Variants in TBCK observed in about 807,000 individuals in gnomAD.
The protein encoded by TBCK is TBC domain-containing protein kinase-like protein.
A neutral mutation model predicts 113.4 loss-of-function variants in TBCK; 99 were observed. The observed-to-expected ratio is 0.87, with a 90% CI of 0.74 to 1.03. TBCK has a LOEUF of 1.03. TBCK is among the 50% of genes least tolerant of loss of function. TBCK has a pLI of 0.00. For synonymous variants in TBCK, 369 were observed against 370.8 expected (o/e 1.00, Z 0.05); for missense variants, 1,045 against 1,061.3 (o/e 0.98, Z 0.21).
At position 106,236,542 on chromosome 4, in the gene TBCK, T is replaced by C. The variant is rs202154475; in HGVS notation, c.1221-23A>G. On this transcript the variant is annotated intron_variant, in intron 13 of 25. Transcript: ENST00000394708. ...TGGCTGTAAAAGAGAACAAAAGCAATAAAAAAAAAAAATGGACAAAAGGTA... is the reference window on the plus strand; with the variant it reads ...TGGCTGTAAAAGAGAACAAAAGCAACAAAAAAAAAAAATGGACAAAAGGTA... 1.2e-5 allele frequency: 15 copies of C among 1,219,942 alleles called. No individual in the cohort carries two copies. In the East Asian group the frequency reaches 3.8e-4, roughly 31 times the overall value. The allele number at this position is 1,219,942 out of a possible 1,614,324, so 75.6% of individuals were successfully genotyped here.
At chr4:106,168,166 C>T (rs1297816528) in intron 23 of TBCK, among the ~76,000 whole-genome samples, 1 of 151,666 alleles carries the variant, frequency 6.6e-6, no homozygotes. Flanking sequence ...AGAATTTATC[C>T]CAGGCATGCA....
chr4:106,237,513 C>T (rs1336867496), intron 12 of TBCK: 1 of 455,908 alleles, frequency 2.2e-6, no homozygotes, highest in East Asian at 7.0e-5. Context: ...TGTTCAACTT[C>T]CAACTTGAAG....
intron 23 of TBCK, among the ~76,000 whole-genome samples, chr4:106,126,459 T>C (rs1318700189): frequency 6.6e-6 from 1 of 152,198 alleles, no homozygotes. Context: ...CATTGTGCTA[T>C]GAGGTATGTA....
At chr4:106,281,276 T>C (rs139068690) in intron 3 of TBCK, among the ~76,000 whole-genome samples, 2 of 151,124 alleles carry the variant, frequency 1.3e-5, no homozygotes, top group African/African-American at 4.9e-5. Context: ...CATGCAACTT[T>C]ACTGAATTCA....
chr4:106,237,730 G>A (rs571566932), intron 12 of TBCK, among the ~76,000 whole-genome samples: 3 of 152,036 alleles, frequency 2.0e-5, no homozygotes, highest in Non-Finnish European at 4.4e-5. Flanking sequence ...AATGTGCTAT[G>A]TACTTATCCT....
intron 2 of TBCK, among the ~76,000 whole-genome samples, chr4:106,308,315 G>C (rs145337416): frequency 5.6e-4 from 86 of 152,236 alleles, no homozygotes; most frequent in African/African-American, 2.0e-3. Context: ...AATAAAATGT[G>C]ATAAAAGCTA....
chr4:106,252,113 A>C, intron 5 of TBCK, 106 bp from the exon 6 acceptor site: 1 of 858,014 alleles, frequency 1.2e-6, no homozygotes, highest in Non-Finnish European at 1.7e-6. Flanking sequence ...CATGCAATTA[A>C]ATTAACAACT....
At chr4:106,219,407 AAAAATT>A (rs1277065120) in intron 19 of TBCK, among the ~76,000 whole-genome samples, 1 of 150,360 alleles carries the variant, frequency 6.7e-6, no homozygotes, top group Non-Finnish European at 1.5e-5. Context: ...AAATAAAAAT[AAAAATT>A]AAAAGTATAA....
At chr4:106,227,273 CAT>C (rs757589259) in intron 19 of TBCK, among the ~76,000 whole-genome samples, 3 of 152,098 alleles carry the variant, frequency 2.0e-5, no homozygotes, top group South Asian at 2.1e-4. Flanking sequence ...GGAATGAACA[CAT>C]GATTCAATTT....
intron 23 of TBCK, among the ~76,000 whole-genome samples, chr4:106,140,841 T>G (rs1443382436): frequency 7.1e-6 from 1 of 139,918 alleles, no homozygotes; most frequent in African/African-American, 2.5e-5. Context: ...GAAAGTTTGG[T>G]AGTTTCTGAT....
intron 24 of TBCK, among the ~76,000 whole-genome samples, chr4:106,096,485 C>A (rs1740920679): frequency 6.6e-6 from 1 of 152,194 alleles, no homozygotes; most frequent in Non-Finnish European, 1.5e-5. Flanking sequence ...CTATGAACAT[C>A]TTTCCTTTTT....
At chr4:106,193,122 G>A (rs1189993406) in intron 22 of TBCK, among the ~76,000 whole-genome samples, 5 of 152,082 alleles carry the variant, frequency 3.3e-5, no homozygotes, top group African/African-American at 1.2e-4. Flanking sequence ...CTCCTGCATT[G>A]CATGACATAG....
intron 20 of TBCK, among the ~76,000 whole-genome samples, chr4:106,204,751 A>ATTTTTTTTTTTTTTTTT (rs34775295): frequency 1.1e-5 from 1 of 87,282 alleles, no homozygotes; most frequent in African/African-American, 4.6e-5. Flanking sequence ...ACAAACAATG[A>ATTTTTTTTTTTTTTTTT]TTTTTTTTTT....
At chr4:106,283,809 A>G (rs1230193400) in intron 3 of TBCK, among the ~76,000 whole-genome samples, 1 of 152,128 alleles carries the variant, frequency 6.6e-6, no homozygotes, top group African/African-American at 2.4e-5. Context: ...CAGAGAATGG[A>G]CTGATCTTCA....
intron 23 of TBCK, among the ~76,000 whole-genome samples, chr4:106,127,974 C>T (rs1745434476): frequency 6.6e-6 from 1 of 152,100 alleles, no homozygotes. Flanking sequence ...CGCGTACACA[C>T]ACATGCGTGC....
chr4:106,185,194 T>C (rs1202591316), intron 22 of TBCK, among the ~76,000 whole-genome samples: 1 of 152,134 alleles, frequency 6.6e-6, no homozygotes. Flanking sequence ...ATGTGCTTTC[T>C]TGTAATAAAA....
Position 106,268,894 on chromosome 4 carries a change from T to C in TBCK, c.267-6682A>G, listed in dbSNP as rs139949628. Among the ~76,000 whole-genome samples the C allele has an allele frequency of 2.3e-4, 35 of 152,216 alleles. No individual in the cohort carries two copies. The East Asian group carries it at 6.0e-3, about 26-fold the overall frequency. On this transcript the variant is annotated intron_variant, in intron 3 of 25. Transcript: ENST00000394708. ...GATAGATTTGGAAATCATTCATGTA[T>C]AAGTGATAACTAAAACCACACATGC...
chr4:106,197,217 G>A (rs994889083), intron 20 of TBCK, among the ~76,000 whole-genome samples: 2 of 151,906 alleles, frequency 1.3e-5, no homozygotes, highest in Non-Finnish European at 2.9e-5. Flanking sequence ...GAAATCTGGG[G>A]AGATCAAGGT....
At chr4:106,048,406 T>A (rs1056902865) in intron 25 of TBCK, among the ~76,000 whole-genome samples, 17 of 152,224 alleles carry the variant, frequency 1.1e-4, no homozygotes, top group Non-Finnish European at 2.4e-4. Flanking sequence ...CAGATGGGAA[T>A]CCTTGATAGT....
Sources: allele counts gnomAD v4.1 joint callset (sites outside exome capture counted in the v4.1 genomes callset), GRCh38; gene constraint gnomAD v4.1.1; transcripts MANE v1.5; gene names NCBI Gene and HGNC (gene_info 2026-07-23, HGNC 2026-07-21).